Variants in ANKRD30B observed in about 807,000 individuals in gnomAD.
The protein encoded by ANKRD30B is ankyrin repeat domain-containing protein 30B.
A neutral mutation model predicts 202.2 loss-of-function variants in ANKRD30B; 144 were observed. That is an observed-to-expected ratio of 0.71 (90% CI 0.62 to 0.82). The LOEUF (loss-of-function observed/expected upper bound fraction) is 0.82. Among genes scored for constraint, ANKRD30B ranks in the 40% least tolerant of loss-of-function variants. The pLI is 0.00. For missense variants in ANKRD30B, 1,487 were observed against 1,669.1 expected (o/e 0.89, Z 1.90); for synonymous variants, 508 against 561.3 (o/e 0.91, Z 1.34).
the ANKRD30B span, among the ~76,000 whole-genome samples, chr18:14,926,947 G>GTA: frequency 6.6e-6 from 1 of 151,440 alleles, no homozygotes; most frequent in South Asian, 2.1e-4. Context: ...GTGTGTGTGT[G>GTA]TATGTGTGTG....
the ANKRD30B span, among the ~76,000 whole-genome samples, chr18:14,938,435 T>C: frequency 1.3e-5 from 2 of 152,182 alleles, no homozygotes; most frequent in Non-Finnish European, 2.9e-5. Flanking sequence ...TGATCACATC[T>C]TCCACCCCCA....
chr18:14,758,729 T>C (rs1914775697), intron 5 of ANKRD30B, among the ~76,000 whole-genome samples: 1 of 152,204 alleles, frequency 6.6e-6, no homozygotes, highest in South Asian at 2.1e-4. Flanking sequence ...ACCTTCATGA[T>C]AAGTTATCAT....
At chr18:14,824,932 AT>A (rs1467736697) in intron 32 of ANKRD30B, among the ~76,000 whole-genome samples, 1 of 152,226 alleles carries the variant, frequency 6.6e-6, no homozygotes, top group Admixed American at 6.5e-5. Context: ...GGTAAGCTGA[AT>A]TTGGAATTCC....
intron 15 of ANKRD30B, among the ~76,000 whole-genome samples, chr18:14,788,559 A>C (rs542539888): frequency 4.7e-5 from 7 of 149,118 alleles, no homozygotes; most frequent in Admixed American, 6.7e-5. Context: ...CCCACCCCAC[A>C]ACAGTCCCCA....
chr18:14,935,769 G>C, the ANKRD30B span, among the ~76,000 whole-genome samples: 1 of 152,194 alleles, frequency 6.6e-6, no homozygotes. Flanking sequence ...ATGTGTGCAC[G>C]TGCATGCACA....
rs530618442 is a variant in ANKRD30B, at chr18:14,781,564, A to G, written c.1483-963A>G. ...CATGCATCATTTTTAACACTAAATA[A>G]TTCTATAATCATGAATATTTTCCAT... On this transcript the variant is annotated intron_variant, in intron 11 of 43. Transcript: ENST00000690538. 2.2e-3 allele frequency among the ~76,000 whole-genome samples: 328 copies of G among 152,392 alleles called. 1 individual carries two copies. The highest frequency in any genetic ancestry group is 3.5e-3 in the Non-Finnish European group (240 of 68,038).
the ANKRD30B span, chr18:14,888,574 A>T: frequency 2.7e-6 from 1 of 364,962 alleles, no homozygotes; most frequent in Non-Finnish European, 5.0e-6. Context: ...GTCCAGCTTG[A>T]TCAGTTTTTC....
the ANKRD30B span, among the ~76,000 whole-genome samples, chr18:14,940,944 A>G: frequency 6.6e-6 from 1 of 152,248 alleles, no homozygotes; most frequent in South Asian, 2.1e-4. Context: ...AGGGACTCTT[A>G]TGTAAATGAA....
chr18:14,830,092 A>G (rs971981587), intron 33 of ANKRD30B: 11 of 154,558 alleles, frequency 7.1e-5, no homozygotes, highest in Admixed American at 2.6e-4. Context: ...TTGGTTGGTC[A>G]TTGAGTTTAT....
the ANKRD30B span, among the ~76,000 whole-genome samples, chr18:14,911,393 G>C: frequency 6.6e-5 from 10 of 152,134 alleles, no homozygotes; most frequent in South Asian, 1.5e-3. Flanking sequence ...CTTTTCTCCA[G>C]TGTATATGTA....
rs780783994 is a variant in ANKRD30B, at chr18:14,791,408, G to C, written c.1742G>C (p.Cys581Ser). The C allele has an allele frequency of 1.9e-6, 3 of 1,607,866 alleles. No homozygotes were observed. The highest frequency in any genetic ancestry group is 3.4e-5 in the Admixed American group (2 of 58,614). ...TGATATTACTTTTAACAGAGTCCCT[G>C]TGAGACGGTTTCACAGAAGGATGTG... Reference protein sequence around the residue: ...EENSWDSESPCETVSQKDVYL... With the variant: ...EENSWDSESPSETVSQKDVYL... Residue 581 changes from cysteine to serine, a missense_variant, in exon 16 of 44, where the codon TGT becomes TCT. Physicochemically the swap from Cys to Ser is moderately radical, Grantham distance 112. Coordinates refer to ENST00000690538, the MANE Select transcript of ANKRD30B (RefSeq NM_001367607.2).
chr18:14,773,523 A>T (rs919608303), intron 9 of ANKRD30B, among the ~76,000 whole-genome samples: 1 of 152,246 alleles, frequency 6.6e-6, no homozygotes, highest in African/African-American at 2.4e-5. Context: ...TTTAGAATGC[A>T]TAAATTCATG....
chr18:14,790,289 G>T (rs762627780), intron 15 of ANKRD30B, among the ~76,000 whole-genome samples: 1 of 152,126 alleles, frequency 6.6e-6, no homozygotes, highest in Non-Finnish European at 1.5e-5. Flanking sequence ...GAGATTTTGG[G>T]CTGAGACAAT....
In ANKRD30B at chr18:14,852,181, G is replaced by C. The variant is rs763148180; in HGVS notation, c.4237G>C (p.Glu1413Gln). ...NEQDNVDKHT[E>Q]QQESLEQKLF... ...ACAAGATAATGTGGACAAACACACT[G>C]AACAGCAGGAGTCTCTGGAGCAGAA... is the stretch of plus-strand genomic sequence containing the variant. Residue 1413 changes from glutamate to glutamine, a missense_variant, in exon 42 of 44, where the codon GAA (glutamate) becomes CAA (glutamine). Coordinates refer to ENST00000690538, the MANE Select transcript of ANKRD30B (RefSeq NM_001367607.2). 16 of 1,594,124 alleles carry C rather than the reference G, an allele frequency of 1.0e-5. No individual in the cohort carries two copies. The African/African-American group carries it at 2.2e-4, about 22-fold the overall frequency.
chr18:14,901,939 A>G, the ANKRD30B span, among the ~76,000 whole-genome samples: 1 of 152,136 alleles, frequency 6.6e-6, no homozygotes. Context: ...TGATAAAGAC[A>G]TACCTGCAAC....
At chr18:14,909,027 T>A in the ANKRD30B span, among the ~76,000 whole-genome samples, 2 of 152,184 alleles carry the variant, frequency 1.3e-5, no homozygotes, top group African/African-American at 4.8e-5. Flanking sequence ...GGATGTGCTG[T>A]CTCTGAGTGC....
At chr18:14,795,410 T>A (rs1487405238) in intron 16 of ANKRD30B, among the ~76,000 whole-genome samples, 1 of 152,208 alleles carries the variant, frequency 6.6e-6, no homozygotes, top group African/African-American at 2.4e-5. Context: ...TTGGCCAGGC[T>A]GCTTTGGAAC....
At chr18:14,834,391 A>AG (rs1188734371) in intron 34 of ANKRD30B, among the ~76,000 whole-genome samples, 10 of 152,108 alleles carry the variant, frequency 6.6e-5, no homozygotes, top group Admixed American at 1.3e-4. Flanking sequence ...AATTCATTGA[A>AG]GAAGGGTAAG....
At chr18:14,937,096 T>C in the ANKRD30B span, among the ~76,000 whole-genome samples, 1 of 152,220 alleles carries the variant, frequency 6.6e-6, no homozygotes, top group African/African-American at 2.4e-5. Flanking sequence ...ATACTGGTCA[T>C]GAGCCTCATG....
Sources: gnomAD v4.1 joint callset for allele counts (sites outside exome capture counted in the v4.1 genomes callset) on GRCh38, gnomAD v4.1.1 for gene constraint, MANE v1.5 for transcripts, NCBI Gene and HGNC (gene_info 2026-07-23, HGNC 2026-07-21) for gene names.